Variants in MMP19 observed in about 807,000 individuals in gnomAD.
The protein encoded by MMP19 is matrix metalloproteinase-19.
MMP19 carries 47 observed loss-of-function variants against 46.6 expected under a neutral mutation model. The observed-to-expected ratio is 1.01, with a 90% CI of 0.80 to 1.29. The LOEUF is 1.29. MMP19 is among the 50% of genes most tolerant of loss of function. The pLI, the probability that MMP19 is intolerant of heterozygous loss-of-function variation, is 0.00. For missense variants in MMP19, 589 were observed against 643.5 expected, an observed-to-expected ratio of 0.92 and a Z score of 0.92; for synonymous variants, 222 against 248.5, an observed-to-expected ratio of 0.89 and a Z score of 1.00.
rs1592605156 is a variant in MMP19, at chr12:55,838,144, A to G, written c.896-137T>C. On this transcript the variant is annotated intron_variant, in intron 6 of 8. Transcript: ENST00000322569. Reference sequence around the variant, plus strand: ...CAAAAATTCATTCAACTTTAATTCAAAGAGAAAATTAAAGGCAGACAAAGA... The same window carrying G: ...CAAAAATTCATTCAACTTTAATTCAGAGAGAAAATTAAAGGCAGACAAAGA... 3 of 827,356 alleles carry G rather than the reference A, an allele frequency of 3.6e-6. No individual in the cohort carries two copies. In the East Asian group the frequency reaches 8.3e-5, roughly 23 times the overall value. 51.3% of individuals were successfully genotyped at this position (827,356 alleles called of 1,614,324 possible). A position where few individuals can be genotyped will look rare whatever the true frequency, so the allele number is the denominator to read the frequency against.
intron 7 of MMP19, 56 bp from the exon 8 acceptor site, chr12:55,837,738 G>C: frequency 6.2e-7 from 1 of 1,608,332 alleles, no homozygotes. Flanking sequence ...ATAGCTTTTG[G>C]TCTCCTCCGG....
At position 55,839,688 on chromosome 12, in the gene MMP19, C is replaced by T. The variant is rs555384599; in HGVS notation, c.574G>A (p.Glu192Lys). The T allele has an allele frequency of 2.5e-6, 4 of 1,614,182 alleles. 1 individual carries two copies. Among genetic ancestry groups the T allele is most frequent in the African/African-American group, 2.7e-5 (2 of 75,076 alleles). The change falls in exon 5 of 9, where the codon GAA becomes AAA. Residue 192 changes from glutamate to lysine, a missense_variant. Glu to Lys is a moderately conservative substitution (Grantham distance 56). Coordinates refer to ENST00000322569, the MANE Select transcript of MMP19 (RefSeq NM_002429.6). ...GTCCCCTCAGTCCAGAACTCGTCTT[C>T]GTCGAAGTGCACACTGCCCAGCTCT... The part of the protein sequence containing the change: ...IPELGSVHFD[E>K]DEFWTEGTYR...
Position 55,836,429 on chromosome 12 carries a change from T to A in MMP19, c.*607A>T, listed in dbSNP as rs1404540678. ...GGAAGAGCTGTTCAGTCCTCTCTTA[T>A]GAACATGGAGTTAGCTTTTATTAAA... On this transcript the variant is annotated 3_prime_UTR_variant, in exon 9 of 9. Coordinates refer to ENST00000322569, the MANE Select transcript of MMP19 (RefSeq NM_002429.6). The A allele has an allele frequency of 6.6e-6, 1 of 152,356 alleles. No homozygotes were observed. The highest frequency in any genetic ancestry group is 2.4e-5 in the African/African-American group (1 of 41,462). The allele number at this position is 152,356 out of a possible 1,614,324, so 9.4% of individuals were successfully genotyped here.
At chr12:55,840,998 G>A in intron 3 of MMP19, 108 bp downstream of exon 3, 1 of 1,544,758 alleles carries the variant, frequency 6.5e-7, no homozygotes, top group Non-Finnish European at 8.8e-7. Flanking sequence ...TAATCACCAG[G>A]TGATTATCTA....
intron 2 of MMP19, among the ~76,000 whole-genome samples, chr12:55,841,913 G>A (rs1419446228): frequency 6.6e-6 from 1 of 152,082 alleles, no homozygotes; most frequent in Non-Finnish European, 1.5e-5. Flanking sequence ...AGGGCCTAGG[G>A]GCTTTTCAAG....
chr12:55,838,694 C>T lies in MMP19; in HGVS notation c.807G>A (p.Glu269=), dbSNP rs1565696919. The change falls in exon 6 of 9, where the codon GAG becomes GAA. Residue 269 remains glutamate (E), a synonymous_variant. Transcript: ENST00000322569. ...SPVIRDEEEE[E]TELPTVPPVP... is the part of the protein sequence containing the mutation. ...CTGGGGGCACAGTGGGCAGCTCTGT[C>T]TCTTCTTCTTCCTCATCCCTTATCA... The T allele has an allele frequency of 6.2e-7, 1 of 1,611,458 alleles. No homozygotes were observed. The highest frequency in any genetic ancestry group is 1.7e-5 in the Admixed American group (1 of 59,882).
chr12:55,837,207 G>A lies in MMP19; in HGVS notation c.1356C>T (p.Asn452=), dbSNP rs1300353966. ...AGCCTTTCTCTACTCGAAGCTGCTG[G>A]TTGAGGCGCCAGTAGACTTTGCCCT... ...FFKGKVYWRL[N]QQLRVEKGYP... The change falls in exon 9 of 9, where the codon AAC becomes AAT. Residue 452 remains asparagine, a synonymous_variant. Coordinates refer to ENST00000322569, the MANE Select transcript of MMP19 (RefSeq NM_002429.6). The A allele has an allele frequency of 6.2e-7, 1 of 1,614,114 alleles. No individual in the cohort carries two copies. Among genetic ancestry groups the A allele is most frequent in the Non-Finnish European group, 8.5e-7 (1 of 1,180,048 alleles).
chr12:55,842,770 G>T lies in MMP19; in HGVS notation c.61C>A (p.Leu21Met). 6.2e-7 allele frequency: 1 copy of T among 1,607,574 alleles called. No individual in the cohort carries two copies. The highest frequency in any genetic ancestry group is 2.2e-5 in the East Asian group (1 of 44,532). ...LLPMTVSGRV[L>M]GLAEVAPVDY... ...ACAGGCGCCACCTCTGCAAGCCCCA[G>T]GACCCGGCCTGAGACTGTCATGGGG... Residue 21 changes from leucine to methionine, a missense_variant, in exon 1 of 9, where the codon CTG (leucine) becomes ATG (methionine). By Grantham distance (15) the Leu-to-Met change is conservative (BLOSUM62 2). Coordinates refer to ENST00000322569, the MANE Select transcript of MMP19 (RefSeq NM_002429.6).
chr12:55,842,507 A>G, intron 1 of MMP19, 69 bp from the exon 2 acceptor site: 2 of 1,245,416 alleles, frequency 1.6e-6, no homozygotes, highest in Non-Finnish European at 2.4e-6. Context: ...TAAGTGACCT[A>G]ACAGATCCAT....
At chr12:55,840,935 A>G in intron 3 of MMP19, 53 bp from the exon 4 acceptor site, 1 of 1,537,920 alleles carries the variant, frequency 6.5e-7, no homozygotes, top group Non-Finnish European at 8.8e-7. Flanking sequence ...TGCCAACCCC[A>G]GAGAGCTCCT....
chr12:55,842,775 C>G lies in MMP19; in HGVS notation c.56G>C (p.Arg19Pro). ...CGCCACCTCTGCAAGCCCCAGGACCCGGCCTGAGACTGTCATGGGGAGTAG... is the reference window on the plus strand; with the variant it reads ...CGCCACCTCTGCAAGCCCCAGGACCGGGCCTGAGACTGTCATGGGGAGTAG... ...GFLLPMTVSG[R>P]VLGLAEVAPV... Residue 19 changes from arginine (R) to proline (P), a missense_variant, in exon 1 of 9, where the codon CGG becomes CCG. Arg to Pro is a moderately radical substitution (Grantham distance 103). Transcript: ENST00000322569. 1.9e-6 allele frequency: 3 copies of G among 1,607,506 alleles called. No individual in the cohort carries two copies. The highest frequency in any genetic ancestry group is 2.5e-6 in the Non-Finnish European group (3 of 1,177,338).
At chr12:55,842,259 G>A (rs2291268) in intron 2 of MMP19, 94 bp downstream of exon 2, 834,379 of 990,744 alleles carry the variant, frequency 0.84, 365,230 homozygotes, top group Non-Finnish European at 0.92. Flanking sequence ...ATGGTTTAGG[G>A]TCAGGAGGAG....
In MMP19 at chr12:55,842,768, C is replaced by T. The variant is rs760831088; in HGVS notation, c.63G>A (p.Leu21=). Residue 21 remains leucine (L), a synonymous_variant, in exon 1 of 9, where the codon CTG becomes CTA. Coordinates refer to ENST00000322569, the MANE Select transcript of MMP19 (RefSeq NM_002429.6). The part of the protein sequence containing the change: ...LLPMTVSGRV[L]GLAEVAPVDY... ...CCACAGGCGCCACCTCTGCAAGCCCCAGGACCCGGCCTGAGACTGTCATGG... is the reference window on the plus strand; with the variant it reads ...CCACAGGCGCCACCTCTGCAAGCCCTAGGACCCGGCCTGAGACTGTCATGG... The T allele has an allele frequency of 6.2e-7, 1 of 1,607,330 alleles. No homozygotes were observed. Among genetic ancestry groups the T allele is most frequent in the South Asian group, 1.1e-5 (1 of 89,810 alleles).
At position 55,842,747 on chromosome 12, in the gene MMP19, A is replaced by G. The variant is rs7294345; in HGVS notation, c.84T>C (p.Pro28=). The G allele has an allele frequency of 1, 1,601,699 of 1,603,762 alleles. 799,844 individuals carry two copies. Among genetic ancestry groups the G allele is most frequent in the Non-Finnish European group, 1 (1,175,651 of 1,175,676 alleles). Residue 28 remains proline (P), a synonymous_variant, in exon 1 of 9, where the codon CCT becomes CCC. Transcript: ENST00000322569. ...GRVLGLAEVA[P]VDYLSQYGYL... is the part of the protein sequence containing the mutation. Reference sequence around the variant, plus strand: ...GTCTCTTTCTTGGGGGACTTACCACAGGCGCCACCTCTGCAAGCCCCAGGA... The same window carrying G: ...GTCTCTTTCTTGGGGGACTTACCACGGGCGCCACCTCTGCAAGCCCCAGGA...
intron 5 of MMP19, among the ~76,000 whole-genome samples, chr12:55,838,978 G>T (rs1289595171): frequency 6.6e-6 from 1 of 152,154 alleles, no homozygotes; most frequent in African/African-American, 2.4e-5. Flanking sequence ...GGTGGCTCAC[G>T]CCTATAATCC....
At chr12:55,842,273 G>A (rs1881749444) in intron 2 of MMP19, 80 bp downstream of exon 2, 1 of 1,137,528 alleles carries the variant, frequency 8.8e-7, no homozygotes, top group Non-Finnish European at 1.3e-6. Context: ...GGAGGAGGTG[G>A]GCCTGGGGAG....
Position 55,840,825 on chromosome 12 carries a change from G to A in MMP19, c.362C>T (p.Pro121Leu), listed in dbSNP as rs773046631. 1.2e-6 allele frequency: 2 copies of A among 1,608,900 alleles called. No homozygotes were observed. The highest frequency in any genetic ancestry group is 1.6e-4 in the Middle Eastern group (1 of 6,068). The change falls in exon 4 of 9, where the codon CCA (proline) becomes CTA (leucine). Residue 121 changes from proline to leucine, a missense_variant. By Grantham distance (98) the Pro-to-Leu change is moderately conservative. Transcript: ENST00000322569. ...CAGGGCTGCCCGGGCTGTGTGGGGTGGAAGGGTGGAGGGCAGGTTCAAGAT... is the reference window on the plus strand; with the variant it reads ...CAGGGCTGCCCGGGCTGTGTGGGGTAGAAGGGTGGAGGGCAGGTTCAAGAT... Reference protein sequence around the residue: ...FRILNLPSTLPPHTARAALRQ... With the variant: ...FRILNLPSTLLPHTARAALRQ...
In MMP19 at chr12:55,841,217, C is replaced by G; in HGVS notation, c.193G>C (p.Glu65Gln). ...EALRAFQEAS[E>Q]LPVSGQLDDA... ...TCCAGCTGACCTGAGACTGGAAGTTCAGATGCTTCCTGAAAAGCTCTGAAG... is the reference window on the plus strand; with the variant it reads ...TCCAGCTGACCTGAGACTGGAAGTTGAGATGCTTCCTGAAAAGCTCTGAAG... Residue 65 changes from glutamate to glutamine, a missense_variant, in exon 3 of 9, where the codon GAA becomes CAA. By Grantham distance (29) the Glu-to-Gln change is conservative. Transcript: ENST00000322569. The G allele has an allele frequency of 6.2e-7, 1 of 1,613,414 alleles. No individual in the cohort carries two copies. The highest frequency in any genetic ancestry group is 8.5e-7 in the Non-Finnish European group (1 of 1,179,870).
chr12:55,837,662 T>C lies in MMP19; in HGVS notation c.1081A>G (p.Ile361Val), dbSNP rs1185980405. Reference protein sequence around the residue: ...FFKGDKVWRYINFKMSPGFPK... With the variant: ...FFKGDKVWRYVNFKMSPGFPK... ...AAGCCAGGAGACATCTTGAAATTAA[T>C]GTAGCGCCACACCTTGTCTCCTGAG... The change falls in exon 8 of 9, where the codon ATT becomes GTT. Residue 361 changes from isoleucine to valine, a missense_variant. Coordinates refer to ENST00000322569, the MANE Select transcript of MMP19 (RefSeq NM_002429.6). 5.6e-6 allele frequency: 9 copies of C among 1,614,102 alleles called. No individual in the cohort carries two copies. The highest frequency in any genetic ancestry group is 1.7e-6 in the Non-Finnish European group (2 of 1,180,056).
Sources: gnomAD v4.1 joint callset for allele counts (sites outside exome capture counted in the v4.1 genomes callset) on GRCh38, gnomAD v4.1.1 for gene constraint, MANE v1.5 for transcripts, NCBI Gene and HGNC (gene_info 2026-07-23, HGNC 2026-07-21) for gene names.